Variants in IGF1 observed in about 807,000 individuals in gnomAD.
IGF1 encodes the protein insulin-like growth factor 1.
In IGF1, 4 loss-of-function variants were observed where a neutral mutation model predicts 13.8. The observed-to-expected ratio is 0.29, with a 90% CI of 0.14 to 0.66. The LOEUF (loss-of-function observed/expected upper bound fraction) is 0.66. Among genes scored for constraint, IGF1 ranks in the 30% least tolerant of loss-of-function variants. The pLI, the probability that IGF1 is intolerant of heterozygous loss-of-function variation, is 0.78. For synonymous variants in IGF1, 76 were observed against 72.6 expected (o/e 1.05, Z -0.23); for missense variants, 124 against 188.5 (o/e 0.66, Z 2.00).
At position 102,428,185 on chromosome 12, in the gene IGF1, A is replaced by AC. The variant is rs529882841; in HGVS notation, c.221-8496dup. Among the ~76,000 whole-genome samples, 275 of 131,428 alleles carry AC rather than the reference A, an allele frequency of 2.1e-3. 2 individuals carry two copies. The highest frequency in any genetic ancestry group is 0.013 in the Middle Eastern group (3 of 228). 86.2% of individuals were successfully genotyped at this position (131,428 alleles called of 152,430 possible). On this transcript the variant is annotated intron_variant, in intron 2 of 3. Transcript: ENST00000337514. ...ATCAAGCACCCCTTCTAAAAAGATG[A>AC]CCCTAAATATCCAGATGGTCATGAA... is the stretch of plus-strand genomic sequence containing the variant.
intron 3 of IGF1, among the ~76,000 whole-genome samples, chr12:102,411,034 T>C (rs999345121): frequency 2.6e-5 from 4 of 152,214 alleles, no homozygotes; most frequent in Admixed American, 6.5e-5. Flanking sequence ...AATTGTGGCA[T>C]TGTGCCAAAA....
chr12:102,445,169 G>A (rs941798509), intron 2 of IGF1, among the ~76,000 whole-genome samples: 13 of 151,170 alleles, frequency 8.6e-5, no homozygotes, highest in South Asian at 2.1e-4. Flanking sequence ...GTCAGGTAGC[G>A]TGATGCCTCC....
intron 3 of IGF1, among the ~76,000 whole-genome samples, chr12:102,418,495 A>T (rs866143754): frequency 2.0e-5 from 3 of 152,216 alleles, no homozygotes; most frequent in South Asian, 2.1e-4. Context: ...TTGATCTCTC[A>T]TCTTGTGCTT....
intron 2 of IGF1, among the ~76,000 whole-genome samples, chr12:102,437,822 C>T (rs1287915364): frequency 2.0e-5 from 3 of 152,166 alleles, no homozygotes; most frequent in Non-Finnish European, 4.4e-5. Flanking sequence ...GATCGATATG[C>T]TAAATACCCT....
chr12:102,455,922 G>A (rs1239757507), intron 2 of IGF1, among the ~76,000 whole-genome samples: 2 of 152,146 alleles, frequency 1.3e-5, no homozygotes, highest in Non-Finnish European at 2.9e-5. Flanking sequence ...ATTGGATATC[G>A]CTTCCTGGAG....
At position 102,397,812 on chromosome 12, in the gene IGF1, A is replaced by G. The variant is rs1873340798; in HGVS notation, c.*4695T>C. Reference sequence around the variant, plus strand: ...TTATCTTTTGAAAATATTGGTGGAAAGCCATGTGATTTGAATGGAAAGATT... The same window carrying G: ...TTATCTTTTGAAAATATTGGTGGAAGGCCATGTGATTTGAATGGAAAGATT... On this transcript the variant is annotated 3_prime_UTR_variant, in exon 4 of 4. Transcript: ENST00000337514. The G allele has an allele frequency of 6.6e-6, 1 of 152,240 alleles. No individual in the cohort carries two copies. The highest frequency in any genetic ancestry group is 2.4e-5 in the African/African-American group (1 of 41,470). 9.4% of individuals were successfully genotyped at this position (152,240 alleles called of 1,614,324 possible).
chr12:102,413,533 T>C (rs1874821015), intron 3 of IGF1, among the ~76,000 whole-genome samples: 1 of 152,134 alleles, frequency 6.6e-6, no homozygotes, highest in African/African-American at 2.4e-5. Context: ...TTAGAAGCTG[T>C]GTGAGGTTTT....
intron 3 of IGF1, among the ~76,000 whole-genome samples, chr12:102,412,967 G>T (rs961124810): frequency 6.6e-6 from 1 of 152,216 alleles, no homozygotes; most frequent in Non-Finnish European, 1.5e-5. Flanking sequence ...TCTGATTCCA[G>T]TTAGGCCTTT....
chr12:102,397,883 C>G lies in IGF1; in HGVS notation c.*4624G>C, dbSNP rs1375637580. ...AACAGGTTCTGCTCTAATAAATTAGCACAATCTTTTAAGATTAAAAATAGC... is the reference window on the plus strand; with the variant it reads ...AACAGGTTCTGCTCTAATAAATTAGGACAATCTTTTAAGATTAAAAATAGC... On this transcript the variant is annotated 3_prime_UTR_variant, in exon 4 of 4. Transcript: ENST00000337514. The G allele has an allele frequency of 1.3e-5, 2 of 152,104 alleles. No homozygotes were observed. Among genetic ancestry groups the G allele is most frequent in the Non-Finnish European group, 2.9e-5 (2 of 68,022 alleles). 9.4% of individuals were successfully genotyped at this position (152,104 alleles called of 1,614,324 possible).
intron 2 of IGF1, among the ~76,000 whole-genome samples, chr12:102,469,344 C>G (rs1023183948): frequency 6.6e-6 from 1 of 152,106 alleles, no homozygotes; most frequent in Non-Finnish European, 1.5e-5. Context: ...TAATGAAGCA[C>G]TTGAGGTTTG....
chr12:102,426,245 C>G (rs936151624), intron 2 of IGF1, among the ~76,000 whole-genome samples: 8 of 152,312 alleles, frequency 5.3e-5, no homozygotes, highest in South Asian at 2.1e-4. Flanking sequence ...AAGGACTCAA[C>G]CTTCTAAGAT....
At chr12:102,428,015 T>A (rs1248761595) in intron 2 of IGF1, among the ~76,000 whole-genome samples, 2 of 151,808 alleles carry the variant, frequency 1.3e-5, no homozygotes, top group Admixed American at 6.6e-5. Context: ...CAGTGCCATA[T>A]GCAGAGAGGG....
intron 3 of IGF1, chr12:102,417,623 A>C (rs1295287493): frequency 1.5e-6 from 2 of 1,333,866 alleles, no homozygotes; most frequent in Non-Finnish European, 1.9e-6. Context: ...CTAGGGCATT[A>C]CATTTTTCTT....
Position 102,465,644 on chromosome 12 carries a change from C to G in IGF1, c.220+9999G>C, listed in dbSNP as rs1244687894. On this transcript the variant is annotated intron_variant, in intron 2 of 3. Transcript: ENST00000337514. ...AGGGAACAGCCACATATGTTAAGGT[C>G]AAAGACAACTGGCTGGGTGCGGTGG... Among the ~76,000 whole-genome samples, 5 of 152,272 alleles carry G rather than the reference C, an allele frequency of 3.3e-5. No individual in the cohort carries two copies. The East Asian group carries it at 7.7e-4, about 24-fold the overall frequency.
intron 3 of IGF1, among the ~76,000 whole-genome samples, chr12:102,416,399 T>C (rs752693812): frequency 2.6e-5 from 4 of 152,218 alleles, no homozygotes; most frequent in Non-Finnish European, 5.9e-5. Context: ...TGATTCTATT[T>C]AACTTTTCTT....
At chr12:102,428,408 G>C (rs560251963) in intron 2 of IGF1, among the ~76,000 whole-genome samples, 23 of 151,986 alleles carry the variant, frequency 1.5e-4, no homozygotes, top group South Asian at 1.2e-3. Flanking sequence ...TGAGTCTGAT[G>C]AAGGAAAATG....
At chr12:102,470,128 A>G (rs1263114729) in intron 2 of IGF1, among the ~76,000 whole-genome samples, 2 of 152,206 alleles carry the variant, frequency 1.3e-5, no homozygotes, top group Non-Finnish European at 2.9e-5. Context: ...GCAATATTCT[A>G]AGTTAACATA....
At position 102,442,496 on chromosome 12, in the gene IGF1, A is replaced by G. The variant is rs149222838; in HGVS notation, c.221-22806T>C. On this transcript the variant is annotated intron_variant, in intron 2 of 3. Transcript: ENST00000337514. ...TTAGTTTGCTTGGCCTGATAAACAG[A>G]GTGAAGTGAAAAGGCATGCTCTTTG... Among the ~76,000 whole-genome samples the G allele has an allele frequency of 7.9e-5, 12 of 152,210 alleles. No individual in the cohort carries two copies. In the East Asian group the frequency reaches 2.3e-3, roughly 29 times the overall value.
chr12:102,402,500 G>C lies in IGF1; in HGVS notation c.*7C>G, dbSNP rs1873768466. 2.6e-6 allele frequency: 2 copies of C among 780,736 alleles called. No individual in the cohort carries two copies. The highest frequency in any genetic ancestry group is 4.8e-5 in the East Asian group (2 of 41,240). The allele number at this position is 780,736 out of a possible 1,614,324, so 48.4% of individuals were successfully genotyped here. A position where few individuals can be genotyped will look rare whatever the true frequency, so the allele number is the denominator to read the frequency against. ...CATGTCACTCTTCACTCCTCAGGAGGGTCTTCCTACATCCTGTAGTTCTTG... is the reference window on the plus strand; with the variant it reads ...CATGTCACTCTTCACTCCTCAGGAGCGTCTTCCTACATCCTGTAGTTCTTG... On this transcript the variant is annotated 3_prime_UTR_variant, in exon 4 of 4. Coordinates refer to ENST00000337514, the MANE Select transcript of IGF1 (RefSeq NM_000618.5).
Sources: allele counts gnomAD v4.1 joint callset (sites outside exome capture counted in the v4.1 genomes callset), GRCh38; gene constraint gnomAD v4.1.1; transcripts MANE v1.5; gene names NCBI Gene and HGNC (gene_info 2026-07-23, HGNC 2026-07-21).